Variants in EXOC4 observed in about 807,000 individuals in gnomAD.
EXOC4 encodes the protein exocyst complex component 4.
Under a neutral mutation model 107.2 loss-of-function variants are expected in EXOC4, and 71 were observed. The observed-to-expected ratio is 0.66, with a 90% CI of 0.55 to 0.81. EXOC4 has a LOEUF of 0.81. Among genes scored for constraint, EXOC4 ranks in the 30% least tolerant of loss-of-function variants. The pLI is 0.00. For synonymous variants in EXOC4, 456 were observed against 441.2 expected (o/e 1.03, Z -0.42); for missense variants, 1,108 against 1,189.6 (o/e 0.93, Z 1.01).
intron 10 of EXOC4, among the ~76,000 whole-genome samples, chr7:133,705,649 G>A (rs1267845151): frequency 6.6e-6 from 1 of 152,146 alleles, no homozygotes; most frequent in Non-Finnish European, 1.5e-5. Flanking sequence ...CCATTATTAA[G>A]TAAAATAAGG....
chr7:133,652,500 G>A (rs552478439), intron 10 of EXOC4, among the ~76,000 whole-genome samples: 82 of 152,020 alleles, frequency 5.4e-4, no homozygotes, highest in African/African-American at 1.9e-3. Context: ...GCAGAGGGAA[G>A]GAGTAAAGAG....
At chr7:133,635,574 T>C (rs1802688166) in intron 10 of EXOC4, among the ~76,000 whole-genome samples, 1 of 152,012 alleles carries the variant, frequency 6.6e-6, no homozygotes, top group Non-Finnish European at 1.5e-5. Context: ...ACCAATAAGG[T>C]ATATTGGTAG....
At chr7:133,445,866 A>C (rs1182660160) in intron 7 of EXOC4, among the ~76,000 whole-genome samples, 1 of 151,982 alleles carries the variant, frequency 6.6e-6, no homozygotes, top group Non-Finnish European at 1.5e-5. Context: ...ACACAGAAAA[A>C]TTAGCCAGGC....
chr7:133,697,545 A>C (rs1464592412), intron 10 of EXOC4, among the ~76,000 whole-genome samples: 1 of 152,234 alleles, frequency 6.6e-6, no homozygotes, highest in Non-Finnish European at 1.5e-5. Flanking sequence ...AGCAATGTTA[A>C]AGAAAAAAAT....
chr7:133,780,408 C>A (rs773142801), intron 10 of EXOC4, among the ~76,000 whole-genome samples: 1 of 151,722 alleles, frequency 6.6e-6, no homozygotes, highest in Non-Finnish European at 1.5e-5. Context: ...ATGATATTAG[C>A]AGCTTCAGAG....
At chr7:133,318,226 G>T (rs1233853600) in intron 5 of EXOC4, among the ~76,000 whole-genome samples, 1 of 152,134 alleles carries the variant, frequency 6.6e-6, no homozygotes, top group Non-Finnish European at 1.5e-5. Flanking sequence ...TTTCTTCTTT[G>T]GAGATATCCA....
chr7:133,420,330 A>G (rs1055161571), intron 7 of EXOC4, among the ~76,000 whole-genome samples: 3 of 151,310 alleles, frequency 2.0e-5, no homozygotes, highest in African/African-American at 7.3e-5. Context: ...ATAGTATTCC[A>G]TGGTATATAT....
rs1227083332 is a variant in EXOC4 at position 133,922,148 on chromosome 7, A to G, written c.2027+4410A>G. On this transcript the variant is annotated intron_variant, in intron 13 of 17. Transcript: ENST00000253861. ...GGATATCTATTTATTATATATACAT[A>G]CTTTTAATGAAGCATAATAAATATA... Among the ~76,000 whole-genome samples, 3 of 152,050 alleles carry G rather than the reference A, an allele frequency of 2.0e-5. No homozygotes were observed. In the East Asian group the frequency reaches 5.8e-4, roughly 29 times the overall value.
chr7:133,540,967 G>GT (rs969609743), intron 9 of EXOC4, among the ~76,000 whole-genome samples: 15 of 151,444 alleles, frequency 9.9e-5, no homozygotes, highest in African/African-American at 3.4e-4. Flanking sequence ...TAACAATTTT[G>GT]TTTTTTTTAA....
chr7:133,760,983 CA>C (rs1368945276), intron 10 of EXOC4, among the ~76,000 whole-genome samples: 2 of 151,882 alleles, frequency 1.3e-5, no homozygotes, highest in African/African-American at 2.4e-5. Context: ...AGCTTGATGG[CA>C]AAAAAACAAG....
At chr7:133,803,637 TGATA>T (rs567014563) in intron 10 of EXOC4, among the ~76,000 whole-genome samples, 143 of 152,318 alleles carry the variant, frequency 9.4e-4, no homozygotes, top group African/African-American at 3.3e-3. Context: ...TCTATACAAC[TGATA>T]GATATTCACT....
chr7:133,756,947 G>A (rs1795930198), intron 10 of EXOC4, among the ~76,000 whole-genome samples: 1 of 152,188 alleles, frequency 6.6e-6, no homozygotes, highest in Non-Finnish European at 1.5e-5. Context: ...CAGGCTTCTA[G>A]AATGAGAAGG....
chr7:133,849,282 T>C (rs924996295), intron 11 of EXOC4, among the ~76,000 whole-genome samples: 1 of 152,110 alleles, frequency 6.6e-6, no homozygotes, highest in Admixed American at 6.6e-5. Context: ...TAGCTGGGCA[T>C]GGTGGCACAT....
At chr7:133,951,584 A>T (rs2116793484) in intron 14 of EXOC4, among the ~76,000 whole-genome samples, 1 of 151,582 alleles carries the variant, frequency 6.6e-6, no homozygotes, top group African/African-American at 2.4e-5. Context: ...ATTTCCCCCT[A>T]CTCCTGTCCT....
chr7:133,576,072 A>C (rs1444364379), intron 9 of EXOC4, among the ~76,000 whole-genome samples: 1 of 152,156 alleles, frequency 6.6e-6, no homozygotes, highest in East Asian at 1.9e-4. Flanking sequence ...TCTATTAGCA[A>C]ATTTAAAAAG....
At chr7:133,917,518 A>G (rs1799836451) in intron 12 of EXOC4, 65 bp from the exon 13 acceptor site, 1 of 1,502,654 alleles carries the variant, frequency 6.7e-7, no homozygotes, top group Admixed American at 1.8e-5. Flanking sequence ...GCAAAGGTAG[A>G]TGAAAATGCT....
intron 10 of EXOC4, among the ~76,000 whole-genome samples, chr7:133,677,834 T>A (rs992746315): frequency 2.0e-5 from 3 of 152,154 alleles, no homozygotes; most frequent in African/African-American, 7.2e-5. Flanking sequence ...GAGGGATTTT[T>A]AAAATATTTT....
chr7:133,913,018 T>A lies in EXOC4; in HGVS notation c.1872-4565T>A, dbSNP rs116017712. Among the ~76,000 whole-genome samples the A allele has an allele frequency of 2.4e-3, 363 of 152,168 alleles. 5 individuals are homozygous for A. Among genetic ancestry groups the A allele is most frequent in the African/African-American group, 8.2e-3 (339 of 41,512 alleles). ...GAGGCACAAAAAAAGAGGACTCAGA[T>A]GTACCAAGGGAGGAGCTGGGGCAAT... On this transcript the variant is annotated intron_variant, in intron 12 of 17. Transcript: ENST00000253861.
chr7:133,887,935 T>C (rs1372261835), intron 11 of EXOC4, among the ~76,000 whole-genome samples: 1 of 152,220 alleles, frequency 6.6e-6, no homozygotes, highest in Non-Finnish European at 1.5e-5. Context: ...AATGGGATTA[T>C]GGATCAGGGT....
Sources: allele counts gnomAD v4.1 joint callset (sites outside exome capture counted in the v4.1 genomes callset), GRCh38; gene constraint gnomAD v4.1.1; transcripts MANE v1.5; gene names NCBI Gene and HGNC (gene_info 2026-07-23, HGNC 2026-07-21).